The following ZCCHC24 variants were observed in gnomAD, a reference collection of about 807,000 sequenced individuals.
ZCCHC24 encodes the protein zinc finger CCHC domain-containing protein 24.
A neutral mutation model predicts 26.2 loss-of-function variants in ZCCHC24; 10 were observed. The ratio of observed to expected loss-of-function variants is 0.38; its 90% confidence interval spans 0.24 to 0.65. ZCCHC24 has a LOEUF of 0.65. Ranked by LOEUF, ZCCHC24 falls within the 30% of genes least tolerant of loss-of-function variation. The probability of loss-of-function intolerance (pLI) is 0.54; values close to 1 mark genes in which losing one functional copy is unlikely to be tolerated. For synonymous variants in ZCCHC24, 144 were observed against 147.1 expected, an observed-to-expected ratio of 0.98 and a Z score of 0.15; for missense variants, 243 against 329.1, an observed-to-expected ratio of 0.74 and a Z score of 2.03.
Position 79,426,368 on chromosome 10 carries a change from A to G in ZCCHC24, c.447+6190T>C, listed in dbSNP as rs546744828. 3.9e-5 allele frequency among the ~76,000 whole-genome samples: 6 copies of G among 152,376 alleles called. No homozygotes were observed. In the South Asian group the frequency reaches 1.2e-3, roughly 32 times the overall value. On this transcript the variant is annotated intron_variant, in intron 2 of 3. Transcript: ENST00000372336. ...TTAGATCATTTAAAAATCATCTCACAGAAGGAGAGGAGATAAAGGAGCAGA... is the reference window on the plus strand; with the variant it reads ...TTAGATCATTTAAAAATCATCTCACGGAAGGAGAGGAGATAAAGGAGCAGA...
intron 1 of ZCCHC24, among the ~76,000 whole-genome samples, chr10:79,440,860 G>A (rs140112919): frequency 2.6e-5 from 4 of 152,182 alleles, no homozygotes; most frequent in African/African-American, 9.6e-5. Flanking sequence ...GAAGGTCCAC[G>A]AGGTGTGGTC....
At chr10:79,397,880 T>C (rs555474276) in intron 2 of ZCCHC24, among the ~76,000 whole-genome samples, 44 of 152,256 alleles carry the variant, frequency 2.9e-4, no homozygotes, top group African/African-American at 1.0e-3. Context: ...AGGTGGACTC[T>C]GGGAATTTGT....
At chr10:79,418,632 G>T (rs978225707) in intron 2 of ZCCHC24, among the ~76,000 whole-genome samples, 2 of 152,236 alleles carry the variant, frequency 1.3e-5, no homozygotes, top group Non-Finnish European at 2.9e-5. Flanking sequence ...GTGGAGTGGG[G>T]ATGAGAAGGC....
intron 1 of ZCCHC24, among the ~76,000 whole-genome samples, chr10:79,439,347 A>G (rs1025209284): frequency 2.6e-5 from 4 of 152,212 alleles, no homozygotes; most frequent in Non-Finnish European, 2.9e-5. Flanking sequence ...AAATCGATAC[A>G]TATTTTTTTC....
intron 1 of ZCCHC24, among the ~76,000 whole-genome samples, chr10:79,441,325 T>C (rs1857289463): frequency 6.6e-6 from 1 of 152,044 alleles, no homozygotes; most frequent in South Asian, 2.1e-4. Context: ...CTGTATGTAC[T>C]CCTCTAAGGG....
chr10:79,393,720 T>C (rs1261533482), intron 3 of ZCCHC24, among the ~76,000 whole-genome samples: 1 of 152,180 alleles, frequency 6.6e-6, no homozygotes, highest in Non-Finnish European at 1.5e-5. Flanking sequence ...ACCGTGGGCC[T>C]GAAGCACCCC....
chr10:79,431,955 T>C (rs1462097243), intron 2 of ZCCHC24, among the ~76,000 whole-genome samples: 2 of 152,156 alleles, frequency 1.3e-5, no homozygotes, highest in Non-Finnish European at 2.9e-5. Context: ...TACTGAAGCA[T>C]TGGATCAGGT....
At chr10:79,388,847 T>C (rs1856434608) in intron 3 of ZCCHC24, among the ~76,000 whole-genome samples, 1 of 150,010 alleles carries the variant, frequency 6.7e-6, no homozygotes, top group Non-Finnish European at 1.5e-5. Context: ...GGGAAGGGAG[T>C]TTCCACAGAT....
At chr10:79,431,160 G>A (rs1857121482) in intron 2 of ZCCHC24, among the ~76,000 whole-genome samples, 1 of 152,230 alleles carries the variant, frequency 6.6e-6, no homozygotes, top group African/African-American at 2.4e-5. Flanking sequence ...GTGTGCACAT[G>A]AGCTGGGGGC....
At chr10:79,395,744 A>C (rs1011993563) in intron 2 of ZCCHC24, among the ~76,000 whole-genome samples, 13 of 152,200 alleles carry the variant, frequency 8.5e-5, no homozygotes, top group Non-Finnish European at 1.9e-4. Context: ...TTCATGCAGG[A>C]ATAGCCTAAT....
At chr10:79,422,314 G>A (rs995841099) in intron 2 of ZCCHC24, among the ~76,000 whole-genome samples, 1 of 152,176 alleles carries the variant, frequency 6.6e-6, no homozygotes, top group Non-Finnish European at 1.5e-5. Flanking sequence ...GTCAGGGTTG[G>A]AATGAGGGGT....
intron 2 of ZCCHC24, among the ~76,000 whole-genome samples, chr10:79,427,088 A>G (rs530853803): frequency 6.6e-6 from 1 of 152,294 alleles, no homozygotes; most frequent in Non-Finnish European, 1.5e-5. Flanking sequence ...AACAGTTACT[A>G]GAGAAAAAGA....
At chr10:79,395,387 C>T (rs1856532596) in intron 2 of ZCCHC24, among the ~76,000 whole-genome samples, 1 of 152,212 alleles carries the variant, frequency 6.6e-6, no homozygotes, top group Non-Finnish European at 1.5e-5. Context: ...TTATTACAAA[C>T]AATGCTATAA....
intron 2 of ZCCHC24, among the ~76,000 whole-genome samples, chr10:79,418,646 G>T (rs1393938955): frequency 6.6e-6 from 1 of 152,238 alleles, no homozygotes; most frequent in African/African-American, 2.4e-5. Context: ...AGAAGGCTGA[G>T]CAGAGGTCAA....
In ZCCHC24 at chr10:79,445,415, G is replaced by C. The variant is rs2132229454; in HGVS notation, c.26C>G (p.Thr9Arg). MSLLSAID[T>R]SAASVYQPAQ... ...GGGCTGGTACACCGAGGCGGCGCTC[G>C]TGTCGATGGCCGACAGCAGGCTCAT... is the stretch of plus-strand genomic sequence containing the variant. Residue 9 changes from threonine (T) to arginine (R), a missense_variant, in exon 1 of 4, where the codon ACG becomes AGG. Around this residue, in one of 2 missense-constraint regions of ZCCHC24, gnomAD observed 147 missense variants for 150.8 expected, o/e 0.97. Coordinates refer to ENST00000372336, the MANE Select transcript of ZCCHC24 (RefSeq NM_153367.4). 1 of 1,488,676 alleles carries C rather than the reference G, an allele frequency of 6.7e-7. No individual in the cohort carries two copies. The highest frequency in any genetic ancestry group is 9.0e-7 in the Non-Finnish European group (1 of 1,116,382). 92.2% of individuals were successfully genotyped at this position (1,488,676 alleles called of 1,614,324 possible).
At chr10:79,405,611 C>G (rs1445000197) in intron 2 of ZCCHC24, among the ~76,000 whole-genome samples, 1 of 152,220 alleles carries the variant, frequency 6.6e-6, no homozygotes, top group East Asian at 1.9e-4. Context: ...TGTCTGAAGG[C>G]GTCCCTGGCA....
chr10:79,430,712 A>ACACACACACACACACACACACACACC (rs1311631405), intron 2 of ZCCHC24, among the ~76,000 whole-genome samples: 11 of 149,124 alleles, frequency 7.4e-5, no homozygotes, highest in African/African-American at 1.2e-4. Flanking sequence ...ACACACACAC[A>ACACACACACACACACACACACACACC]CCCTCTGCTA....
chr10:79,417,772 C>T (rs1295175533), intron 2 of ZCCHC24, among the ~76,000 whole-genome samples: 2 of 152,202 alleles, frequency 1.3e-5, no homozygotes, highest in African/African-American at 4.8e-5. Flanking sequence ...CCTCGGGCTC[C>T]TCACCCCCAT....
At position 79,386,100 on chromosome 10, in the gene ZCCHC24, AC is replaced by A. The variant is rs1231236651; in HGVS notation, c.*244del. On this transcript the variant is annotated 3_prime_UTR_variant, in exon 4 of 4. Coordinates refer to ENST00000372336, the MANE Select transcript of ZCCHC24 (RefSeq NM_153367.4). ...GCTTGCCTTTGTCCCCTCCACTGAG[AC>A]CCCAGGCCCGCCTGCAAAAAGCCCC... The A allele has an allele frequency of 1.3e-4, 77 of 583,036 alleles. 1 individual carries two copies. In the East Asian group the frequency reaches 1.9e-3, roughly 15 times the overall value. The allele number at this position is 583,036 out of a possible 1,614,324, so 36.1% of individuals were successfully genotyped here.
Sources: gnomAD v4.1 joint callset for allele counts (sites outside exome capture counted in the v4.1 genomes callset) on GRCh38, gnomAD v4.1.1 for gene constraint, gnomAD v4.1.1 regional missense constraint, MANE v1.5 for transcripts, NCBI Gene and HGNC (gene_info 2026-07-23, HGNC 2026-07-21) for gene names.